Variants in MEG3 observed in about 807,000 individuals in gnomAD.
The protein encoded by MEG3 is maternally expressed 3.
downstream of MEG3, chr14:100,832,160 CA>C (rs1202500680): frequency 4.0e-5 from 6 of 151,708 alleles, no homozygotes; most frequent in African/African-American, 1.2e-4. Flanking sequence ...TAAAAGCCAC[CA>C]AAAACACATC....
chr14:100,840,657 C>T (rs760486986), intron 2 of MEG3, among the ~76,000 whole-genome samples: 6 of 152,156 alleles, frequency 3.9e-5, no homozygotes, highest in African/African-American at 7.2e-5. Context: ...ACTGGGTTCG[C>T]GCGACCCTGG....
At chr14:100,826,466 T>G (rs912451879) in intron 1 of MEG3, 1 of 152,210 alleles carries the variant, frequency 6.6e-6, no homozygotes, top group Non-Finnish European at 1.5e-5. Context: ...AAGGGTGGGC[T>G]GGGTGGTAGG....
At chr14:100,827,547 G>C (rs904732411) in intron 1 of MEG3, 2 of 152,496 alleles carry the variant, frequency 1.3e-5, no homozygotes, top group Admixed American at 1.3e-4. Context: ...TTGATTTCCA[G>C]TGGTTTTTGG....
At chr14:100,854,607 G>C (rs2038182890), upstream of MEG3, 1 of 152,466 alleles carries the variant, frequency 6.6e-6, no homozygotes, top group Non-Finnish European at 1.5e-5. Context: ...CTCCGATCTT[G>C]CCCTTGATAA....
chr14:100,827,155 C>T lies in MEG3; in HGVS notation n.372-1553C>T, dbSNP rs2037258498. Reference sequence around the variant, plus strand: ...AATCCTGACATGTTGCAGTCTTGGACTTTTGGTCAAATCGCCTTTTGCCAT... The same window carrying T: ...AATCCTGACATGTTGCAGTCTTGGATTTTTGGTCAAATCGCCTTTTGCCAT... On this transcript the variant is annotated intron_variant and non_coding_transcript_variant, in intron 1 of 2. Coordinates refer to ENST00000556407, the Ensembl canonical transcript of MEG3. 2.0e-5 allele frequency among the ~76,000 whole-genome samples: 3 copies of T among 152,162 alleles called. No individual in the cohort carries two copies. The South Asian group carries it at 6.2e-4, about 31-fold the overall frequency.
intron 2 of MEG3, among the ~76,000 whole-genome samples, chr14:100,838,443 C>G (rs575797423): frequency 1.3e-5 from 2 of 152,330 alleles, no homozygotes; most frequent in South Asian, 2.1e-4. Context: ...ACGTGACTTA[C>G]TACGTCAGCC....
chr14:100,827,235 G>A (rs2037262421), intron 1 of MEG3, among the ~76,000 whole-genome samples: 1 of 152,044 alleles, frequency 6.6e-6, no homozygotes. Context: ...CTGGGCCGGC[G>A]GGCCTGGTGG....
chr14:100,841,585 G>A (rs2037760799), intron 2 of MEG3, among the ~76,000 whole-genome samples: 1 of 152,220 alleles, frequency 6.6e-6, no homozygotes, highest in Non-Finnish European at 1.5e-5. Flanking sequence ...CCGGCAGCAG[G>A]CCCTGGAGGT....
At chr14:100,853,841 C>T (rs2038162557), upstream of MEG3, 1 of 152,202 alleles carries the variant, frequency 6.6e-6, no homozygotes, top group Non-Finnish European at 1.5e-5. Context: ...CATTGCTTCA[C>T]TACAGATCAG....
At chr14:100,838,237 A>G (rs2037647137) in intron 2 of MEG3, among the ~76,000 whole-genome samples, 1 of 152,184 alleles carries the variant, frequency 6.6e-6, no homozygotes, top group African/African-American at 2.4e-5. Flanking sequence ...CCAGGGGCAC[A>G]CAGGAGAGGC....
chr14:100,860,522 C>A (rs571674237), intron 1 of MEG3, among the ~76,000 whole-genome samples: 1 of 152,030 alleles, frequency 6.6e-6, no homozygotes, highest in South Asian at 2.1e-4. Context: ...GTAGACAGGC[C>A]GAGCTGGTGG....
intron 3 of MEG3, chr14:100,847,839 C>T (rs985018285): frequency 5.3e-5 from 8 of 152,038 alleles, no homozygotes; most frequent in Non-Finnish European, 7.3e-5. Context: ...GGTAGATCCA[C>T]GAGAAGAGTT....
intron 3 of MEG3, chr14:100,847,646 G>A (rs2037954674): frequency 6.6e-6 from 1 of 152,180 alleles, no homozygotes; most frequent in South Asian, 2.1e-4. Context: ...AAGTCAGTGA[G>A]TACCTAAATA....
At chr14:100,849,925 A>C (rs1205837428) in intron 3 of MEG3, 1 of 151,870 alleles carries the variant, frequency 6.6e-6, no homozygotes, top group Non-Finnish European at 1.5e-5. Context: ...CTTTCAAAGA[A>C]TAAATGAAAA....
intron 1 of MEG3, chr14:100,827,412 A>C (rs1259631407): frequency 2.6e-5 from 4 of 152,114 alleles, no homozygotes; most frequent in Admixed American, 6.5e-5. Flanking sequence ...AGGATCCTGG[A>C]TTCGTTTACC....
In MEG3 at chr14:100,845,540, G is replaced by A; in HGVS notation, n.3121+7G>A. On this transcript the variant is annotated splice_region_variant and intron_variant and non_coding_transcript_variant, in intron 3 of 3. Coordinates refer to the MEG3 transcript ENST00000398461. The surrounding 1 kb of genome is among the most constrained non-coding windows in gnomAD (Gnocchi z 5.2). ...CCCTCTCCAGCTCGAAATCGTAAGTGGCTGGAGTGTAAAGAACACACATGT... is the reference window on the plus strand; with the variant it reads ...CCCTCTCCAGCTCGAAATCGTAAGTAGCTGGAGTGTAAAGAACACACATGT... 2.2e-6 allele frequency: 1 copy of A among 456,540 alleles called. No individual in the cohort carries two copies. Among genetic ancestry groups the A allele is most frequent in the South Asian group, 1.5e-5 (1 of 64,552 alleles). The allele number at this position is 456,540 out of a possible 1,614,324, so 28.3% of individuals were successfully genotyped here.
Position 100,837,364 on chromosome 14 carries a change from A to T in MEG3, n.3045+1064A>T, listed in dbSNP as rs1484996688. ...AGGATCCTGGCACCCCTCATATATG[A>T]CGCCCCTGGGGTGGCCATTGTGGTG... is the stretch of plus-strand genomic sequence containing the variant. On this transcript the variant is annotated intron_variant and non_coding_transcript_variant, in intron 2 of 3. Transcript: ENST00000398461. This position sits in a 1 kb window ranked among gnomAD's most constrained non-coding sequence, Gnocchi z 5.8. 6.6e-6 allele frequency among the ~76,000 whole-genome samples: 1 copy of T among 152,020 alleles called. No individual in the cohort carries two copies. Among genetic ancestry groups the T allele is most frequent in the East Asian group, 1.9e-4 (1 of 5,178 alleles).
chr14:100,832,490 C>A (rs2037424948), downstream of MEG3: 2 of 152,648 alleles, frequency 1.3e-5, no homozygotes. Flanking sequence ...CACTTTCCGC[C>A]CTTTTCCCTT....
At chr14:100,858,867 T>C (rs1043603540) in exon 1 of MEG3, 3 of 152,724 alleles carry the variant, frequency 2.0e-5, no homozygotes, top group African/African-American at 7.2e-5. Flanking sequence ...TCCCAGGAGA[T>C]TCTGAGTCTG....
Sources: gnomAD v4.1 joint callset for allele counts (sites outside exome capture counted in the v4.1 genomes callset) on GRCh38, gnomAD v4.1.1 for gene constraint, Gnocchi (gnomAD v3.1) non-coding constraint, MANE v1.5 for transcripts, NCBI Gene and HGNC (gene_info 2026-07-23, HGNC 2026-07-21) for gene names.